The following GNAI1 variants were observed in gnomAD, a reference collection of about 807,000 sequenced individuals.
GNAI1 encodes the protein G protein subunit alpha i1, also known as guanine nucleotide-binding protein G(i) subunit alpha-1.
GNAI1 carries 11 observed loss-of-function variants against 38.9 expected under a neutral mutation model. That is an observed-to-expected ratio of 0.28 (90% CI 0.18 to 0.47). GNAI1 has a LOEUF of 0.47. Ranked by LOEUF, GNAI1 falls within the 20% of genes least tolerant of loss-of-function variation. The pLI, the probability that GNAI1 is intolerant of heterozygous loss-of-function variation, is 0.99. For synonymous variants in GNAI1, 166 were observed against 145.1 expected, an observed-to-expected ratio of 1.14 and a Z score of -1.04; for missense variants, 317 against 436.9, an observed-to-expected ratio of 0.73 and a Z score of 2.45.
chr7:80,205,387 A>G (rs987538728), intron 5 of GNAI1, among the ~76,000 whole-genome samples: 9 of 152,116 alleles, frequency 5.9e-5, no homozygotes, highest in Non-Finnish European at 1.0e-4. Context: ...ATGGGCATCA[A>G]TTAGATATCA....
chr7:80,144,218 CT>C (rs1225942935), intron 1 of GNAI1, among the ~76,000 whole-genome samples: 1 of 149,312 alleles, frequency 6.7e-6, no homozygotes, highest in African/African-American at 2.5e-5. Context: ...AGTGCAGTGG[CT>C]TTTTGCAAAC....
At chr7:80,210,818 G>T in intron 5 of GNAI1, 151 bp from the exon 6 acceptor site, 10 of 425,040 alleles carry the variant, frequency 2.4e-5, no homozygotes, top group Non-Finnish European at 3.1e-5. Context: ...AGTCCAGTTT[G>T]TGACATTTTT....
chr7:80,197,180 A>ATC (rs1491410063), intron 3 of GNAI1, among the ~76,000 whole-genome samples: 5 of 137,436 alleles, frequency 3.6e-5, no homozygotes, highest in Non-Finnish European at 7.9e-5. Context: ...GTTTCTGTGG[A>ATC]TTTTTTTTTT....
chr7:80,136,864 G>A (rs1481160148), intron 1 of GNAI1, among the ~76,000 whole-genome samples: 1 of 152,172 alleles, frequency 6.6e-6, no homozygotes, highest in African/African-American at 2.4e-5. Context: ...TTAATTAGGT[G>A]ACTGTTAGGG....
chr7:80,160,075 C>G lies in GNAI1; in HGVS notation c.118+24797C>G, dbSNP rs147638294. On this transcript the variant is annotated intron_variant, in intron 1 of 7. Coordinates refer to ENST00000649796, the MANE Select transcript of GNAI1 (RefSeq NM_002069.6). ...TAAGGATCTGTGCTCAGAGGCAACT[C>G]TGTTGCGGATCAATTTCCTTAAAGC... 7.9e-3 allele frequency among the ~76,000 whole-genome samples: 1,210 copies of G among 152,252 alleles called. 24 individuals are homozygous for G. The highest frequency in any genetic ancestry group is 0.028 in the African/African-American group (1,168 of 41,544).
chr7:80,200,548 G>C (rs191494887), intron 4 of GNAI1, among the ~76,000 whole-genome samples: 1 of 152,048 alleles, frequency 6.6e-6, no homozygotes, highest in Non-Finnish European at 1.5e-5. Context: ...ACAAGGATTA[G>C]ATAGATGACA....
At chr7:80,148,066 G>C (rs1335065977) in intron 1 of GNAI1, among the ~76,000 whole-genome samples, 2 of 152,008 alleles carry the variant, frequency 1.3e-5, no homozygotes, top group African/African-American at 2.4e-5. Flanking sequence ...ACTGGGCTGT[G>C]GATTCTTTCT....
rs999470268 is a variant in GNAI1, at chr7:80,221,795, A to G, written c.*4302A>G. Among the ~76,000 whole-genome samples the G allele has an allele frequency of 1.3e-5, 2 of 151,732 alleles. No individual in the cohort carries two copies. The highest frequency in any genetic ancestry group is 2.9e-5 in the Non-Finnish European group (2 of 67,924). On this transcript the variant is annotated 3_prime_UTR_variant, in exon 8 of 8. Coordinates refer to ENST00000649796, the MANE Select transcript of GNAI1 (RefSeq NM_002069.6). Reference sequence around the variant, plus strand: ...GTAGCTGGGATTACAGGCATGCGCCACTACACCCAGCTAATTTTTGTATTT... The same window carrying G: ...GTAGCTGGGATTACAGGCATGCGCCGCTACACCCAGCTAATTTTTGTATTT...
chr7:80,193,174 T>C (rs906950784), intron 3 of GNAI1, among the ~76,000 whole-genome samples: 1 of 152,158 alleles, frequency 6.6e-6, no homozygotes, highest in Non-Finnish European at 1.5e-5. Flanking sequence ...CATCATGGTT[T>C]TCTCTGCCAG....
chr7:80,159,583 A>G (rs980129185), intron 1 of GNAI1, among the ~76,000 whole-genome samples: 1 of 152,218 alleles, frequency 6.6e-6, no homozygotes, highest in Non-Finnish European at 1.5e-5. Flanking sequence ...GGTAATTAGC[A>G]TATCCATGAC....
intron 1 of GNAI1, among the ~76,000 whole-genome samples, chr7:80,143,720 C>T (rs1787566983): frequency 6.6e-6 from 1 of 152,036 alleles, no homozygotes; most frequent in African/African-American, 2.4e-5. Flanking sequence ...CTTCATAGGG[C>T]TAGTGACAAA....
At chr7:80,171,014 A>G (rs1788090507) in intron 1 of GNAI1, among the ~76,000 whole-genome samples, 1 of 152,196 alleles carries the variant, frequency 6.6e-6, no homozygotes, top group Non-Finnish European at 1.5e-5. Flanking sequence ...AAGAAAATTC[A>G]GTTTACAGTT....
chr7:80,160,916 A>G (rs1397992306), intron 1 of GNAI1, among the ~76,000 whole-genome samples: 2 of 152,184 alleles, frequency 1.3e-5, no homozygotes, highest in East Asian at 1.9e-4. Context: ...GTGTAGTACG[A>G]TATCTTGCAG....
chr7:80,197,770 GACTT>G (rs1788606030), intron 3 of GNAI1, among the ~76,000 whole-genome samples: 1 of 152,066 alleles, frequency 6.6e-6, no homozygotes. Context: ...CATGCTGAGA[GACTT>G]AATTATTTTT....
At chr7:80,208,518 T>C (rs1292991409) in intron 5 of GNAI1, among the ~76,000 whole-genome samples, 2 of 152,160 alleles carry the variant, frequency 1.3e-5, no homozygotes, top group African/African-American at 4.8e-5. Flanking sequence ...GACTTGGGGA[T>C]TAATTGATCC....
intron 4 of GNAI1, among the ~76,000 whole-genome samples, chr7:80,200,440 C>G (rs977107885): frequency 6.6e-6 from 1 of 151,280 alleles, no homozygotes; most frequent in Non-Finnish European, 1.5e-5. Context: ...TCAAAATGTC[C>G]TATATGATAT....
chr7:80,138,570 T>G (rs1184763531), intron 1 of GNAI1, among the ~76,000 whole-genome samples: 1 of 152,214 alleles, frequency 6.6e-6, no homozygotes, highest in Non-Finnish European at 1.5e-5. Context: ...ATGTTTTAAT[T>G]TATCATCCTT....
At chr7:80,135,779 C>T (rs961295288) in intron 1 of GNAI1, 1 of 983,364 alleles carries the variant, frequency 1.0e-6, no homozygotes, top group Non-Finnish European at 1.2e-6. Flanking sequence ...TTTTGTGGGG[C>T]CTCTGAGATG....
Position 80,212,830 on chromosome 7 carries a change from A to C in GNAI1, c.835A>C (p.Lys279Gln). ...NKKDLFEEKI[K>Q]KSPLTICYPE... ...GAAGGATCTCTTTGAAGAAAAAATC[A>C]AAAAGAGCCCTCTCACTATATGCTA... Residue 279 changes from lysine to glutamine, a missense_variant, in exon 7 of 8, where the codon AAA (lysine) becomes CAA (glutamine). By Grantham distance (53) the Lys-to-Gln change is moderately conservative. Transcript: ENST00000649796. 1.3e-6 allele frequency: 2 copies of C among 1,582,924 alleles called. No individual in the cohort carries two copies. The highest frequency in any genetic ancestry group is 1.7e-6 in the Non-Finnish European group (2 of 1,167,228).
Sources: allele counts gnomAD v4.1 joint callset (sites outside exome capture counted in the v4.1 genomes callset), GRCh38; gene constraint gnomAD v4.1.1; transcripts MANE v1.5; gene names NCBI Gene and HGNC (gene_info 2026-07-23, HGNC 2026-07-21).